The following FIGN variants were observed in gnomAD, a reference collection of about 807,000 sequenced individuals.
FIGN encodes fidgetin.
In FIGN, 11 loss-of-function variants were observed where a neutral mutation model predicts 51.3. The observed-to-expected ratio is 0.21, with a 90% CI of 0.13 to 0.35. The LOEUF is 0.35. Ranked by LOEUF, FIGN falls within the 10% of genes least tolerant of loss-of-function variation. The pLI, the probability that FIGN is intolerant of heterozygous loss-of-function variation, is 1.00. For synonymous variants in FIGN, 407 were observed against 363.2 expected (o/e 1.12, Z -1.37); for missense variants, 857 against 943.6 (o/e 0.91, Z 1.20).
chr2:163,687,291 C>A (rs1170733115), intron 2 of FIGN, among the ~76,000 whole-genome samples: 1 of 152,124 alleles, frequency 6.6e-6, no homozygotes, highest in African/African-American at 2.4e-5. Flanking sequence ...CAGTAGCCAG[C>A]AAGACAAACA....
chr2:163,709,622 AT>A (rs537774484), intron 2 of FIGN, among the ~76,000 whole-genome samples: 186 of 152,250 alleles, frequency 1.2e-3, no homozygotes, highest in African/African-American at 4.3e-3. Context: ...GCGATTTACT[AT>A]GTGTTCAAGG....
chr2:163,641,890 T>C (rs1457912591), intron 2 of FIGN, among the ~76,000 whole-genome samples: 1 of 152,212 alleles, frequency 6.6e-6, no homozygotes. Flanking sequence ...TCTGAAGTCT[T>C]GCATTTATAG....
At chr2:163,655,259 T>G (rs1008450960) in intron 2 of FIGN, among the ~76,000 whole-genome samples, 1 of 152,166 alleles carries the variant, frequency 6.6e-6, no homozygotes, top group African/African-American at 2.4e-5. Context: ...TTTACAAACC[T>G]CATATACATT....
At chr2:163,615,304 T>C (rs1235396395) in intron 2 of FIGN, among the ~76,000 whole-genome samples, 3 of 152,124 alleles carry the variant, frequency 2.0e-5, no homozygotes, top group Admixed American at 2.0e-4. Context: ...ATTAATGTTA[T>C]TTAAAAGCAT....
intron 2 of FIGN, among the ~76,000 whole-genome samples, chr2:163,676,448 T>G (rs1317683467): frequency 1.7e-5 from 1 of 59,322 alleles, no homozygotes. Flanking sequence ...TATATATATA[T>G]ATATATATAT....
intron 2 of FIGN, among the ~76,000 whole-genome samples, chr2:163,633,829 A>G (rs1683185748): frequency 6.6e-6 from 1 of 152,296 alleles, no homozygotes; most frequent in Non-Finnish European, 1.5e-5. Context: ...CAATGAATCT[A>G]TCTATTCAAT....
chr2:163,625,124 G>T (rs1398049079), intron 2 of FIGN, among the ~76,000 whole-genome samples: 1 of 151,900 alleles, frequency 6.6e-6, no homozygotes, highest in Admixed American at 6.6e-5. Flanking sequence ...TTAACAAATG[G>T]TAACCAAGAA....
intron 1 of FIGN, 133 bp from the exon 2 acceptor site, chr2:163,735,205 A>C (rs1353142166): frequency 4.4e-6 from 2 of 451,578 alleles, no homozygotes; most frequent in Non-Finnish European, 7.9e-6. Context: ...CTCCCATTGA[A>C]ACTAACAAGA....
chr2:163,625,913 A>C (rs2105307886), intron 2 of FIGN, among the ~76,000 whole-genome samples: 1 of 152,250 alleles, frequency 6.6e-6, no homozygotes, highest in Middle Eastern at 3.4e-3. Flanking sequence ...AGAATCAATA[A>C]ATGAAAAAGT....
At chr2:163,714,743 T>C (rs1684642735) in intron 2 of FIGN, among the ~76,000 whole-genome samples, 1 of 152,226 alleles carries the variant, frequency 6.6e-6, no homozygotes, top group Non-Finnish European at 1.5e-5. Flanking sequence ...TCAAAATTTA[T>C]CTCACCTAAA....
At chr2:163,680,586 G>A (rs1201310612) in intron 2 of FIGN, among the ~76,000 whole-genome samples, 5 of 152,076 alleles carry the variant, frequency 3.3e-5, no homozygotes, top group Admixed American at 3.3e-4. Context: ...TAGAATTAGT[G>A]CTTCCATCCT....
At chr2:163,669,260 G>A (rs964718809) in intron 2 of FIGN, among the ~76,000 whole-genome samples, 7 of 152,086 alleles carry the variant, frequency 4.6e-5, no homozygotes, top group African/African-American at 1.4e-4. Context: ...GCCCAGGCTG[G>A]TGTGCAGTGG....
intron 2 of FIGN, among the ~76,000 whole-genome samples, chr2:163,695,111 T>C (rs1684296152): frequency 6.6e-6 from 1 of 152,174 alleles, no homozygotes; most frequent in South Asian, 2.1e-4. Context: ...TTTCAGAATG[T>C]CCAAACTTTA....
Position 163,660,782 on chromosome 2 carries a change from C to CAT in FIGN, c.26-48978_26-48977dup, listed in dbSNP as rs1182807422. Among the ~76,000 whole-genome samples the CAT allele has an allele frequency of 3.4e-5, 3 of 89,112 alleles. 1 individual carries two copies. The highest frequency in any genetic ancestry group is 4.4e-5 in the African/African-American group (1 of 22,934). The allele number at this position is 89,112 out of a possible 152,430, so 58.5% of individuals were successfully genotyped here. A position where few individuals can be genotyped will look rare whatever the true frequency, so the allele number is the denominator to read the frequency against. On this transcript the variant is annotated intron_variant, in intron 2 of 2. Transcript: ENST00000333129. ...ATACATATATATGTATACACATATACATATATATGTATATAGATATACATA... is the reference window on the plus strand; with the variant it reads ...ATACATATATATGTATACACATATACATATATATATGTATATAGATATACATA...
chr2:163,625,115 TAAC>T (rs1683034644), intron 2 of FIGN, among the ~76,000 whole-genome samples: 1 of 152,080 alleles, frequency 6.6e-6, no homozygotes, highest in Non-Finnish European at 1.5e-5. Flanking sequence ...TAGGACTTGT[TAAC>T]AAATGGTAAC....
chr2:163,703,156 T>C (rs929697704), intron 2 of FIGN, among the ~76,000 whole-genome samples: 12 of 152,042 alleles, frequency 7.9e-5, no homozygotes, highest in Non-Finnish European at 1.5e-4. Flanking sequence ...AAGAGTTTTC[T>C]AATAAATGGA....
At chr2:163,698,605 T>A (rs1426845811) in intron 2 of FIGN, among the ~76,000 whole-genome samples, 2 of 152,102 alleles carry the variant, frequency 1.3e-5, no homozygotes, top group African/African-American at 4.8e-5. Context: ...ATTGTTAATT[T>A]GAATCTCTGA....
intron 2 of FIGN, among the ~76,000 whole-genome samples, chr2:163,710,535 G>A (rs1684571188): frequency 6.6e-6 from 1 of 152,188 alleles, no homozygotes; most frequent in South Asian, 2.1e-4. Flanking sequence ...GTGGAAATGT[G>A]TTTGCAAAAA....
intron 2 of FIGN, among the ~76,000 whole-genome samples, chr2:163,612,172 CAT>C (rs1475124617): frequency 6.6e-6 from 1 of 152,158 alleles, no homozygotes; most frequent in Non-Finnish European, 1.5e-5. Flanking sequence ...AGAATTCAAT[CAT>C]AGGTTCTTAA....
Sources: allele counts gnomAD v4.1 joint callset (sites outside exome capture counted in the v4.1 genomes callset), GRCh38; gene constraint gnomAD v4.1.1; transcripts MANE v1.5; gene names NCBI Gene and HGNC (gene_info 2026-07-23, HGNC 2026-07-21).